Variants in HSH2D observed in about 807,000 individuals in gnomAD.
HSH2D encodes the protein hematopoietic SH2 domain containing.
HSH2D carries 16 observed loss-of-function variants against 21.5 expected under a neutral mutation model. That is an observed-to-expected ratio of 0.74 (90% confidence interval 0.50 to 1.13). The LOEUF is 1.13. Among genes scored for constraint, HSH2D ranks in the 50% most tolerant of loss-of-function variants. The pLI is 0.00. For synonymous variants in HSH2D, 172 were observed against 184.7 expected (o/e 0.93, Z 0.56); for missense variants, 418 against 441.4 (o/e 0.95, Z 0.47).
intron 1 of HSH2D, among the ~76,000 whole-genome samples, chr19:16,136,423 C>T (rs1353687296): frequency 6.6e-6 from 1 of 152,098 alleles, no homozygotes; most frequent in Admixed American, 6.6e-5. Flanking sequence ...AATCCCAGCA[C>T]CACTCAAGAC....
intron 1 of HSH2D, among the ~76,000 whole-genome samples, chr19:16,137,244 A>G (rs561535072): frequency 6.6e-6 from 1 of 152,316 alleles, no homozygotes; most frequent in African/African-American, 2.4e-5. Flanking sequence ...GCACAGGTAC[A>G]TACATAATGA....
intron 1 of HSH2D, among the ~76,000 whole-genome samples, chr19:16,136,982 ACTCTT>A (rs925971407): frequency 6.6e-6 from 1 of 151,962 alleles, no homozygotes; most frequent in African/African-American, 2.4e-5. Context: ...GCAGGAGGGA[ACTCTT>A]CTCTTTCTTT....
At chr19:16,149,364 G>A (rs2091117026) in intron 2 of HSH2D, among the ~76,000 whole-genome samples, 1 of 152,066 alleles carries the variant, frequency 6.6e-6, no homozygotes, top group Non-Finnish European at 1.5e-5. Context: ...CACCAAGCCT[G>A]ACTAATTTTT....
chr19:16,143,299 G>T (rs1475878665), upstream of HSH2D, among the ~76,000 whole-genome samples: 2 of 152,078 alleles, frequency 1.3e-5, no homozygotes, highest in African/African-American at 2.4e-5. Flanking sequence ...TGCCAGGCTG[G>T]TCTCAAACTC....
chr19:16,151,053 G>A (rs797022757), intron 2 of HSH2D, among the ~76,000 whole-genome samples: 69 of 152,252 alleles, frequency 4.5e-4, no homozygotes, highest in African/African-American at 1.6e-3. Flanking sequence ...ACTGATTTCG[G>A]TGGCTCACGC....
intron 1 of HSH2D, among the ~76,000 whole-genome samples, chr19:16,148,250 G>C (rs1434312877): frequency 6.6e-6 from 1 of 152,158 alleles, no homozygotes; most frequent in African/African-American, 2.4e-5. Flanking sequence ...CCGGGTTCAA[G>C]TGATTCTCCT....
chr19:16,151,528 C>T (rs1028347777), intron 2 of HSH2D: 2 of 455,816 alleles, frequency 4.4e-6, no homozygotes, highest in African/African-American at 2.0e-5. Context: ...GGTCACACAG[C>T]TGATGGACAG....
In HSH2D at chr19:16,157,620, G is replaced by T; in HGVS notation, c.885G>T (p.Arg295Ser). The change falls in exon 6 of 6, where the codon AGG (arginine) becomes AGT (serine). Residue 295 changes from arginine to serine, a missense_variant. Physicochemically the swap from Arg to Ser is moderately radical, Grantham distance 110 (BLOSUM62 -1). Transcript: ENST00000613986. This position sits in a 1 kb window ranked among gnomAD's most constrained non-coding sequence, Gnocchi z 4.4. Reference sequence around the variant, plus strand: ...AGGTCCCCACCAGGAAGGCCGAGAGGTCGGTCAGCTGCATTGAGGTGACCC... The same window carrying T: ...AGGTCCCCACCAGGAAGGCCGAGAGTTCGGTCAGCTGCATTGAGGTGACCC... ...DRKVPTRKAERSVSCIEVTPG... is the reference protein window; with the variant it reads ...DRKVPTRKAESSVSCIEVTPG... 1.9e-6 allele frequency: 3 copies of T among 1,613,754 alleles called. No individual in the cohort carries two copies. Among genetic ancestry groups the T allele is most frequent in the Non-Finnish European group, 2.5e-6 (3 of 1,179,824 alleles).
At chr19:16,152,245 A>G (rs564874923) in intron 2 of HSH2D, among the ~76,000 whole-genome samples, 10 of 151,548 alleles carry the variant, frequency 6.6e-5, no homozygotes, top group African/African-American at 2.2e-4. Context: ...GTGAAACCCC[A>G]TCTCTACTAA....
chr19:16,146,596 T>A (rs1049130714), intron 1 of HSH2D, among the ~76,000 whole-genome samples: 7 of 152,038 alleles, frequency 4.6e-5, no homozygotes. Context: ...GAGGATTGCT[T>A]GAGCCTAGGA....
intron 5 of HSH2D, 56 bp downstream of exon 5, chr19:16,154,547 G>A (rs2091213726): frequency 4.5e-6 from 5 of 1,114,570 alleles, no homozygotes; most frequent in Non-Finnish European, 6.6e-6. Flanking sequence ...CAGGAGTGGA[G>A]GTGGTCAACA....
At position 16,157,742 on chromosome 19, in the gene HSH2D, AG is replaced by A; in HGVS notation, c.1008del (p.Gln336HisfsTer36). 6.2e-7 allele frequency: 1 copy of A among 1,612,418 alleles called. No homozygotes were observed. ...HQGLAEPEND[Q>X]LPEEYQQPPP... Reference sequence around the variant, plus strand: ...GGCTTGGCAGAGCCTGAGAACGACCAGCTCCCGGAGGAGTACCAACAACCGC... The same window carrying A: ...GGCTTGGCAGAGCCTGAGAACGACCACTCCCGGAGGAGTACCAACAACCGC... On this transcript the variant is annotated frameshift_variant, in exon 6 of 6. Coordinates refer to ENST00000613986, the MANE Select transcript of HSH2D (RefSeq NM_001382417.1). LOFTEE classifies it high-confidence loss of function. The surrounding 1 kb of genome is among the most constrained non-coding windows in gnomAD (Gnocchi z 4.4).
At chr19:16,137,426 G>A (rs189142909) in intron 1 of HSH2D, among the ~76,000 whole-genome samples, 11 of 152,072 alleles carry the variant, frequency 7.2e-5, no homozygotes, top group East Asian at 1.9e-4. Context: ...TCAGGAGTTC[G>A]AGACCAGCCT....
chr19:16,146,283 T>C (rs1426311015), intron 1 of HSH2D, among the ~76,000 whole-genome samples: 3 of 152,162 alleles, frequency 2.0e-5, no homozygotes, highest in Non-Finnish European at 4.4e-5. Flanking sequence ...GAATTAATGA[T>C]GCATCTGACA....
At chr19:16,151,057 C>T (rs995937896) in intron 2 of HSH2D, among the ~76,000 whole-genome samples, 4 of 152,106 alleles carry the variant, frequency 2.6e-5, no homozygotes, top group African/African-American at 9.7e-5. Context: ...ATTTCGGTGG[C>T]TCACGCCTGT....
At position 16,154,482 on chromosome 19, in the gene HSH2D, C is replaced by T; in HGVS notation, c.465C>T (p.Ala155=). The change falls in exon 5 of 6, where the codon GCC becomes GCT. Residue 155 remains alanine (A), a synonymous_variant. Transcript: ENST00000613986. ...VAEEAACPVS[A]PEEASPKPVL... ...AGGAAGCTGCCTGCCCGGTGTCTGC[C>T]CCTGAGGAGGTATGTATATGACAGG... is the stretch of plus-strand genomic sequence containing the variant. The T allele has an allele frequency of 6.4e-7, 1 of 1,550,856 alleles. No individual in the cohort carries two copies. The highest frequency in any genetic ancestry group is 2.4e-5 in the East Asian group (1 of 40,970).
At chr19:16,147,279 G>T (rs946035318) in intron 1 of HSH2D, among the ~76,000 whole-genome samples, 2 of 151,836 alleles carry the variant, frequency 1.3e-5, no homozygotes, top group African/African-American at 2.4e-5. Context: ...GAGTCCAGGA[G>T]TTTGAGACCA....
chr19:16,135,287 A>G (rs1459184324), intron 1 of HSH2D, among the ~76,000 whole-genome samples: 1 of 151,582 alleles, frequency 6.6e-6, no homozygotes, highest in Non-Finnish European at 1.5e-5. Flanking sequence ...AATAAAAAAT[A>G]GTATGGTGGC....
rs1467083077 is a variant in HSH2D at position 16,158,381 on chromosome 19, A to G, written c.*587A>G. 2.0e-5 allele frequency: 3 copies of G among 152,176 alleles called. No homozygotes were observed. The highest frequency in any genetic ancestry group is 3.4e-3 in the Middle Eastern group (1 of 296). 9.4% of individuals were successfully genotyped at this position (152,176 alleles called of 1,614,324 possible). On this transcript the variant is annotated 3_prime_UTR_variant, in exon 6 of 6. Coordinates refer to ENST00000613986, the MANE Select transcript of HSH2D (RefSeq NM_001382417.1). ...AACCCCGTCTATACTAAAAAATTCA[A>G]AAATTACCCGGACGTGGTGGCGCAT...
Sources: gnomAD v4.1 joint callset for allele counts (sites outside exome capture counted in the v4.1 genomes callset) on GRCh38, gnomAD v4.1.1 for gene constraint, Gnocchi (gnomAD v3.1) non-coding constraint, MANE v1.5 for transcripts, NCBI Gene and HGNC (gene_info 2026-07-23, HGNC 2026-07-21) for gene names.